The following AKAIN1 variants were observed in gnomAD, a reference collection of about 807,000 sequenced individuals.
The protein encoded by AKAIN1 is A-kinase anchor protein inhibitor 1.
A neutral mutation model predicts 3.7 loss-of-function variants in AKAIN1; 3 were observed. The ratio of observed to expected loss-of-function variants is 0.82; its 90% CI spans 0.37 to 2.12. The LOEUF (loss-of-function observed/expected upper bound fraction) is 2.12, where lower values mean the gene tolerates loss of function less well. Among genes scored for constraint, AKAIN1 ranks in the 30% most tolerant of loss-of-function variants. The pLI, the probability that AKAIN1 is intolerant of heterozygous loss-of-function variation, is 0.06. For synonymous variants in AKAIN1, 31 were observed against 30.8 expected (o/e 1.01, Z -0.02); for missense variants, 82 against 82.7 (o/e 0.99, Z 0.03).
At chr18:5,175,143 C>A (rs776716628) in intron 1 of AKAIN1, among the ~76,000 whole-genome samples, 1 of 152,096 alleles carries the variant, frequency 6.6e-6, no homozygotes, top group Non-Finnish European at 1.5e-5. Context: ...TTCAATGGAA[C>A]AATGGAACCC....
At chr18:5,197,391 G>A, upstream of AKAIN1, 1 of 1,267,466 alleles carries the variant, frequency 7.9e-7, no homozygotes, top group South Asian at 2.9e-5. This position sits in a 1 kb window ranked among gnomAD's most constrained non-coding sequence, Gnocchi z 6.9. Flanking sequence ...ACGAAGGTCG[G>A]AAGAGCAAGA....
chr18:5,163,740 T>C (rs1032146700), intron 1 of AKAIN1: 5 of 152,006 alleles, frequency 3.3e-5, no homozygotes, highest in African/African-American at 1.2e-4. Context: ...TGAAATGGCT[T>C]CCAAGAAGTA....
At chr18:5,192,445 C>CTTTCTTTCTTTCTTTCTT (rs1555611456) in intron 1 of AKAIN1, among the ~76,000 whole-genome samples, 1 of 126,156 alleles carries the variant, frequency 7.9e-6, no homozygotes, top group African/African-American at 3.0e-5. Context: ...TTCTTTCTTT[C>CTTTCTTTCTTTCTTTCTT]TTTTTCTTTT....
intron 1 of AKAIN1, among the ~76,000 whole-genome samples, chr18:5,184,944 A>G (rs2071278545): frequency 6.6e-6 from 1 of 152,154 alleles, no homozygotes. Context: ...ACTTCAAACT[A>G]TACTACAAGG....
At chr18:5,161,642 T>A (rs192501152) in intron 1 of AKAIN1, among the ~76,000 whole-genome samples, 11 of 152,188 alleles carry the variant, frequency 7.2e-5, no homozygotes, top group African/African-American at 2.4e-4. Context: ...CAATATTAAC[T>A]GTGATATTTT....
chr18:5,144,437 C>A lies in AKAIN1; in HGVS notation c.*1125G>T, dbSNP rs1036432091. On this transcript the variant is annotated 3_prime_UTR_variant, in exon 2 of 2. Coordinates refer to ENST00000434239, the MANE Select transcript of AKAIN1 (RefSeq NM_001145194.2). The stretch of plus-strand genomic sequence containing the variant: ...GATACTCCAGAAATATGTGCATTAT[C>A]CTCACAGAAGTGGAGCAGGGATTGA... Among the ~76,000 whole-genome samples the A allele has an allele frequency of 1.3e-5, 2 of 152,186 alleles. No individual in the cohort carries two copies. The highest frequency in any genetic ancestry group is 6.5e-5 in the Admixed American group (1 of 15,284).
chr18:5,184,228 G>A (rs1260759710), intron 1 of AKAIN1, among the ~76,000 whole-genome samples: 1 of 151,976 alleles, frequency 6.6e-6, no homozygotes, highest in Non-Finnish European at 1.5e-5. Context: ...AAATTTTAGG[G>A]AGTAGGCAAA....
At chr18:5,197,651 G>C (rs973271860), upstream of AKAIN1, 19 of 409,838 alleles carry the variant, frequency 4.6e-5, no homozygotes, top group Non-Finnish European at 7.1e-5. This position sits in a 1 kb window ranked among gnomAD's most constrained non-coding sequence, Gnocchi z 6.9. Flanking sequence ...CCAGTCCTCT[G>C]CTAACGTCAG....
At chr18:5,184,400 CTCTG>C (rs2071275785) in intron 1 of AKAIN1, among the ~76,000 whole-genome samples, 1 of 152,030 alleles carries the variant, frequency 6.6e-6, no homozygotes, top group Non-Finnish European at 1.5e-5. Context: ...GTAAGTCAAA[CTCTG>C]TCTGTTTGCA....
intron 1 of AKAIN1, among the ~76,000 whole-genome samples, chr18:5,177,966 T>C (rs187852487): frequency 2.5e-4 from 38 of 152,188 alleles, no homozygotes; most frequent in African/African-American, 9.1e-4. Context: ...GTGGGCCCTG[T>C]CTTATTCCTT....
intron 1 of AKAIN1, among the ~76,000 whole-genome samples, chr18:5,148,676 C>T (rs1207314773): frequency 4.0e-5 from 6 of 151,890 alleles, no homozygotes; most frequent in African/African-American, 1.2e-4. Flanking sequence ...GCCAACATGG[C>T]GAAACCCCAT....
chr18:5,162,068 A>G (rs2071142626), intron 1 of AKAIN1, among the ~76,000 whole-genome samples: 1 of 152,140 alleles, frequency 6.6e-6, no homozygotes, highest in African/African-American at 2.4e-5. Flanking sequence ...TTATGTGTAA[A>G]AGGGCTAACT....
intron 1 of AKAIN1, chr18:5,163,681 C>A (rs1405674818): frequency 6.6e-6 from 1 of 151,968 alleles, no homozygotes; most frequent in African/African-American, 2.4e-5. Flanking sequence ...TTCTTGGCAG[C>A]CTTCAAGCAA....
chr18:5,148,228 G>A (rs2071060269), intron 1 of AKAIN1, among the ~76,000 whole-genome samples: 1 of 152,208 alleles, frequency 6.6e-6, no homozygotes, highest in African/African-American at 2.4e-5. Flanking sequence ...GCTCTCTCGT[G>A]TAACAGTTCA....
At chr18:5,195,015 C>A (rs1016904295) in intron 1 of AKAIN1, among the ~76,000 whole-genome samples, 1 of 152,176 alleles carries the variant, frequency 6.6e-6, no homozygotes, top group Admixed American at 6.5e-5. Flanking sequence ...GAATAATACA[C>A]ATCACTATAC....
chr18:5,145,996 C>T (rs2071047392), intron 1 of AKAIN1, among the ~76,000 whole-genome samples: 1 of 152,188 alleles, frequency 6.6e-6, no homozygotes, highest in Non-Finnish European at 1.5e-5. Context: ...AATCTACACA[C>T]ATCCTCCCAA....
rs1216779309 is a variant in AKAIN1 at position 5,143,927 on chromosome 18, C to G, written c.*1635G>C. Among the ~76,000 whole-genome samples, 1 of 152,186 alleles carries G rather than the reference C, an allele frequency of 6.6e-6. No individual in the cohort carries two copies. The highest frequency in any genetic ancestry group is 1.5e-5 in the Non-Finnish European group (1 of 68,020). Reference sequence around the variant, plus strand: ...ATTTATTTATTTTATTTGTGGCACTCCTGAATAATTTCCCTGAATACCTTC... The same window carrying G: ...ATTTATTTATTTTATTTGTGGCACTGCTGAATAATTTCCCTGAATACCTTC... On this transcript the variant is annotated 3_prime_UTR_variant, in exon 2 of 2. Coordinates refer to ENST00000434239, the MANE Select transcript of AKAIN1 (RefSeq NM_001145194.2).
chr18:5,147,025 G>A (rs1199265133), intron 1 of AKAIN1, among the ~76,000 whole-genome samples: 1 of 152,170 alleles, frequency 6.6e-6, no homozygotes, highest in Non-Finnish European at 1.5e-5. Context: ...GCTAAGTTCT[G>A]TGGTAGAAGT....
chr18:5,197,465 T>TCGC, upstream of AKAIN1: 1 of 1,228,980 alleles, frequency 8.1e-7, no homozygotes, highest in Non-Finnish European at 1.0e-6. The surrounding 1 kb of genome is among the most constrained non-coding windows in gnomAD (Gnocchi z 6.9). Flanking sequence ...CTGTGGCTCG[T>TCGC]CGCCGTGGAT....
Sources: gnomAD v4.1 joint callset for allele counts (sites outside exome capture counted in the v4.1 genomes callset) on GRCh38, gnomAD v4.1.1 for gene constraint, Gnocchi (gnomAD v3.1) non-coding constraint, MANE v1.5 for transcripts, NCBI Gene and HGNC (gene_info 2026-07-23, HGNC 2026-07-21) for gene names.